The following BICD1 variants were observed in gnomAD, a reference collection of about 807,000 sequenced individuals.
BICD1 encodes the protein protein bicaudal D homolog 1.
A neutral mutation model predicts 92.5 loss-of-function variants in BICD1; 35 were observed. That is an observed-to-expected ratio of 0.38 (90% CI 0.29 to 0.50). BICD1 has a LOEUF of 0.50. BICD1 is among the 20% of genes least tolerant of loss of function. BICD1 has a pLI of 0.93. For missense variants in BICD1, 950 were observed against 1,189.8 expected (o/e 0.80, Z 2.97); for synonymous variants, 429 against 465.1 (o/e 0.92, Z 1.00).
chr12:32,184,274 A>C (rs1203877834), intron 1 of BICD1, among the ~76,000 whole-genome samples: 2 of 152,132 alleles, frequency 1.3e-5, no homozygotes, highest in African/African-American at 4.8e-5. Context: ...TGTAACCAAA[A>C]GGATGTATGG....
chr12:32,115,387 G>GTTTT (rs4035442), intron 1 of BICD1, among the ~76,000 whole-genome samples: 4 of 142,434 alleles, frequency 2.8e-5, no homozygotes, highest in Admixed American at 2.1e-4. Context: ...GGTGTTTTTG[G>GTTTT]TTTTTTTTTT....
chr12:32,301,448 C>T (rs1027805024), intron 3 of BICD1, among the ~76,000 whole-genome samples: 1 of 151,964 alleles, frequency 6.6e-6, no homozygotes, highest in South Asian at 2.1e-4. Context: ...TGACCACAAG[C>T]AGCTTATAAA....
intron 2 of BICD1, among the ~76,000 whole-genome samples, chr12:32,236,879 T>TC (rs1565608550): frequency 6.9e-6 from 1 of 145,016 alleles, no homozygotes; most frequent in African/African-American, 2.6e-5. Context: ...ATTCTTTTTT[T>TC]TTTTTTTTTT....
intron 8 of BICD1, among the ~76,000 whole-genome samples, chr12:32,350,326 A>T (rs4001847): frequency 0.54 from 82,495 of 151,874 alleles, 23,369 homozygotes; most frequent in African/African-American, 0.72. Flanking sequence ...CTACAAAAAA[A>T]ACAAAAATTA....
At chr12:32,179,636 C>T (rs1219515942) in intron 1 of BICD1, among the ~76,000 whole-genome samples, 1 of 151,804 alleles carries the variant, frequency 6.6e-6, no homozygotes, top group East Asian at 1.9e-4. Context: ...TTTTTCATAG[C>T]AGTAATAAGG....
intron 3 of BICD1, among the ~76,000 whole-genome samples, chr12:32,299,861 C>T (rs1011761465): frequency 1.3e-5 from 2 of 152,036 alleles, no homozygotes; most frequent in Admixed American, 6.6e-5. Flanking sequence ...GAATTTTAAA[C>T]TCTGCAGTGC....
chr12:32,345,882 G>A lies in BICD1; in HGVS notation c.2764+6903G>A, dbSNP rs554702255. On this transcript the variant is annotated intron_variant, in intron 8 of 9. Coordinates refer to ENST00000652176, the MANE Select transcript of BICD1 (RefSeq NM_001714.4). ...AAGTAAAAAGAAGTCAGGCACCATG[G>A]CTCACGCCTATAATCCCAGCACTTT... Among the ~76,000 whole-genome samples the A allele has an allele frequency of 7.0e-4, 107 of 152,336 alleles. 1 individual carries two copies. The highest frequency in any genetic ancestry group is 3.4e-3 in the Middle Eastern group (1 of 294).
At chr12:32,265,088 C>T (rs573189728) in intron 2 of BICD1, among the ~76,000 whole-genome samples, 11 of 152,034 alleles carry the variant, frequency 7.2e-5, no homozygotes, top group African/African-American at 1.4e-4. Flanking sequence ...CTTACCTCCA[C>T]GAGGCCTCTG....
intron 2 of BICD1, among the ~76,000 whole-genome samples, chr12:32,240,647 C>T (rs961905731): frequency 1.3e-5 from 2 of 152,126 alleles, no homozygotes; most frequent in Non-Finnish European, 1.5e-5. Flanking sequence ...GCTTGTGTTA[C>T]CATATAAGGT....
intron 2 of BICD1, among the ~76,000 whole-genome samples, chr12:32,219,925 T>C (rs953367538): frequency 2.0e-5 from 3 of 152,100 alleles, no homozygotes; most frequent in Non-Finnish European, 4.4e-5. Context: ...ACAGAGCCCT[T>C]AGAAATAATG....
intron 1 of BICD1, among the ~76,000 whole-genome samples, chr12:32,116,493 T>G (rs1478255427): frequency 3.4e-5 from 1 of 29,368 alleles, no homozygotes; most frequent in Non-Finnish European, 9.0e-5. Context: ...TCTCTCTCTT[T>G]CTCTCTCTCT....
rs562627751 is a variant in BICD1 at position 32,275,738 on chromosome 12, G to C, written c.427-18256G>C. 1.4e-3 allele frequency among the ~76,000 whole-genome samples: 209 copies of C among 152,104 alleles called. 1 individual carries two copies. Among genetic ancestry groups the C allele is most frequent in the African/African-American group, 4.9e-3 (202 of 41,400 alleles). ...CCAGATCCGGCAGGGTGTCCGCTGT[G>C]CTCCTGATCCAGCGAGACTCCCATT... On this transcript the variant is annotated intron_variant, in intron 2 of 9. Transcript: ENST00000652176.
chr12:32,372,178 T>C (rs907942276), intron 9 of BICD1, among the ~76,000 whole-genome samples: 1 of 152,230 alleles, frequency 6.6e-6, no homozygotes, highest in Non-Finnish European at 1.5e-5. Flanking sequence ...CTGTTTCTCA[T>C]TTTGAAAAAT....
chr12:32,252,026 T>C (rs1946542634), intron 2 of BICD1, among the ~76,000 whole-genome samples: 1 of 78,808 alleles, frequency 1.3e-5, no homozygotes, highest in Non-Finnish European at 2.8e-5. Flanking sequence ...AAATATCATA[T>C]ATTTATAATA....
At chr12:32,238,054 T>C (rs1431951870) in intron 2 of BICD1, among the ~76,000 whole-genome samples, 1 of 152,224 alleles carries the variant, frequency 6.6e-6, no homozygotes, top group African/African-American at 2.4e-5. Context: ...ATTATCAACA[T>C]GAACAGGAGT....
chr12:32,148,129 G>A (rs964742936), intron 1 of BICD1, among the ~76,000 whole-genome samples: 3 of 9,906 alleles, frequency 3.0e-4, no homozygotes, highest in Non-Finnish European at 8.0e-4. Context: ...GTGACAGAGC[G>A]AGACTCCGTC....
At chr12:32,235,481 C>A (rs1281357831) in intron 2 of BICD1, among the ~76,000 whole-genome samples, 1 of 151,468 alleles carries the variant, frequency 6.6e-6, no homozygotes, top group Non-Finnish European at 1.5e-5. Flanking sequence ...TTTTTTTTTC[C>A]TAGTTGCCAC....
chr12:32,238,015 A>C (rs2608403), intron 2 of BICD1, among the ~76,000 whole-genome samples: 102,308 of 152,036 alleles, frequency 0.67, 34,747 homozygotes, highest in African/African-American at 0.77. Context: ...AAGGATTCAC[A>C]ATTCTAGATA....
chr12:32,330,296 C>T (rs1216838002), intron 5 of BICD1, among the ~76,000 whole-genome samples: 1 of 151,652 alleles, frequency 6.6e-6, no homozygotes, highest in Non-Finnish European at 1.5e-5. Context: ...GTGAATGAAA[C>T]CATCATTCTC....
Sources: allele counts gnomAD v4.1 joint callset (sites outside exome capture counted in the v4.1 genomes callset), GRCh38; gene constraint gnomAD v4.1.1; transcripts MANE v1.5; gene names NCBI Gene and HGNC (gene_info 2026-07-23, HGNC 2026-07-21).